Variants in KCNN2 observed in about 807,000 individuals in gnomAD.
KCNN2 encodes potassium calcium-activated channel subfamily N member 2.
Under a neutral mutation model 55.5 loss-of-function variants are expected in KCNN2, and 24 were observed. The observed-to-expected ratio is 0.43, with a 90% CI of 0.31 to 0.61. KCNN2 has a LOEUF of 0.61. Among genes scored for constraint, KCNN2 ranks in the 20% least tolerant of loss-of-function variants. The pLI, the probability that KCNN2 is intolerant of heterozygous loss-of-function variation, is 0.08. For missense variants in KCNN2, 754 were observed against 853.6 expected (o/e 0.88, Z 1.45); for synonymous variants, 431 against 336.1 (o/e 1.28, Z -3.09).
At chr5:114,292,846 T>G (rs571284650) in intron 2 of KCNN2, among the ~76,000 whole-genome samples, 1 of 152,360 alleles carries the variant, frequency 6.6e-6, no homozygotes, top group African/African-American at 2.4e-5. Flanking sequence ...TTACATTTGT[T>G]TGTATCCTCT....
At chr5:114,200,407 G>C (rs779709329) in intron 1 of KCNN2, among the ~76,000 whole-genome samples, 2 of 149,840 alleles carry the variant, frequency 1.3e-5, no homozygotes, top group Non-Finnish European at 3.0e-5. Context: ...TTTCTCATTC[G>C]CATCCTGGAT....
chr5:114,489,359 T>G (rs925042685), intron 6 of KCNN2, among the ~76,000 whole-genome samples: 6 of 152,138 alleles, frequency 3.9e-5, no homozygotes. Context: ...AAATGCACCC[T>G]ACAAGGCATG....
chr5:114,102,380 A>G (rs770401202), intron 1 of KCNN2, among the ~76,000 whole-genome samples: 9 of 151,906 alleles, frequency 5.9e-5, no homozygotes, highest in African/African-American at 1.9e-4. Flanking sequence ...CTCCCATTCT[A>G]TAGATTGCCT....
chr5:114,496,115 C>T lies in KCNN2; in HGVS notation c.2309C>T (p.Ser770Phe). 6.2e-7 allele frequency: 1 copy of T among 1,613,992 alleles called. No individual in the cohort carries two copies. The highest frequency in any genetic ancestry group is 8.5e-7 in the Non-Finnish European group (1 of 1,179,964). Residue 770 changes from serine to phenylalanine, a missense_variant, in exon 8 of 8, where the codon TCC (serine) becomes TTC (phenylalanine). Ser to Phe is a radical substitution (Grantham distance 155). Coordinates refer to ENST00000673685, the MANE Select transcript of KCNN2 (RefSeq NM_021614.4). ...DKHVTYNAER[S>F]RSSSRRRRSS... The stretch of plus-strand genomic sequence containing the variant: ...CACGTCACTTACAATGCTGAGCGGT[C>T]CCGGTCCTCGTCCAGGAGGCGGCGG...
chr5:114,086,365 G>A (rs182411469), intron 1 of KCNN2, among the ~76,000 whole-genome samples: 1 of 151,626 alleles, frequency 6.6e-6, no homozygotes, highest in African/African-American at 2.4e-5. Context: ...TTTGGGGTAT[G>A]AATGATCCTG....
Position 114,278,283 on chromosome 5 carries a change from C to A in KCNN2, c.-185+56718C>A, listed in dbSNP as rs576376234. Among the ~76,000 whole-genome samples, 4 of 152,258 alleles carry A rather than the reference C, an allele frequency of 2.6e-5. No homozygotes were observed. The South Asian group carries it at 8.3e-4, about 32-fold the overall frequency. On this transcript the variant is annotated intron_variant, in intron 2 of 10. Coordinates refer to the KCNN2 transcript ENST00000512097. ...GTTGGCCCCTACTGGTAGGTGTCTC[C>A]CAGTCAGGCTACATGGGGGTCAGGG...
At chr5:114,190,012 A>G (rs919746829) in intron 1 of KCNN2, among the ~76,000 whole-genome samples, 2 of 152,174 alleles carry the variant, frequency 1.3e-5, no homozygotes, top group African/African-American at 4.8e-5. Context: ...TATCTTTATA[A>G]CATCACAGCA....
intron 2 of KCNN2, among the ~76,000 whole-genome samples, chr5:114,380,493 T>C (rs1438670498): frequency 6.6e-6 from 1 of 152,186 alleles, no homozygotes; most frequent in Non-Finnish European, 1.5e-5. Context: ...TAACTTCTTA[T>C]CAGTGATTTC....
At chr5:114,406,880 C>A (rs1334390253) in intron 3 of KCNN2, among the ~76,000 whole-genome samples, 3 of 152,064 alleles carry the variant, frequency 2.0e-5, no homozygotes, top group East Asian at 1.9e-4. Context: ...TTTTTGAGAT[C>A]TTGCAGATAT....
intron 5 of KCNN2, among the ~76,000 whole-genome samples, chr5:114,482,540 G>A (rs1762271795): frequency 6.6e-6 from 1 of 152,130 alleles, no homozygotes; most frequent in South Asian, 2.1e-4. Flanking sequence ...ATACCCAAAG[G>A]AATATAAATC....
At chr5:114,369,166 G>A (rs746435503) in intron 2 of KCNN2, among the ~76,000 whole-genome samples, 11 of 152,050 alleles carry the variant, frequency 7.2e-5, no homozygotes, top group African/African-American at 1.9e-4. Flanking sequence ...TTTCTCACAC[G>A]TTATTCCTCC....
At chr5:114,315,988 C>T (rs1002197619) in intron 2 of KCNN2, among the ~76,000 whole-genome samples, 3 of 152,008 alleles carry the variant, frequency 2.0e-5, no homozygotes, top group African/African-American at 7.2e-5. Context: ...ACCATTTGGT[C>T]TGGGCCTTGT....
chr5:114,085,486 A>C (rs957022020), intron 1 of KCNN2, among the ~76,000 whole-genome samples: 2 of 151,950 alleles, frequency 1.3e-5, no homozygotes. Context: ...TTAGTTTCCA[A>C]TTGCTCATTG....
intron 1 of KCNN2, among the ~76,000 whole-genome samples, chr5:114,147,574 A>G (rs1752424446): frequency 6.6e-6 from 1 of 152,208 alleles, no homozygotes; most frequent in Non-Finnish European, 1.5e-5. Flanking sequence ...ATTTGGGTCA[A>G]TATGAGAGAC....
At chr5:114,464,947 C>G (rs1209583232) in intron 4 of KCNN2, among the ~76,000 whole-genome samples, 1 of 151,908 alleles carries the variant, frequency 6.6e-6, no homozygotes. Context: ...TTTAGGAGGC[C>G]CATAACAAGT....
intron 1 of KCNN2, among the ~76,000 whole-genome samples, chr5:114,160,239 T>A (rs1480921188): frequency 6.6e-6 from 1 of 152,240 alleles, no homozygotes; most frequent in Non-Finnish European, 1.5e-5. Flanking sequence ...ACATCTTTAT[T>A]TCTGCCTTCA....
chr5:114,307,994 C>T (rs1055191641), intron 2 of KCNN2, among the ~76,000 whole-genome samples: 1 of 152,090 alleles, frequency 6.6e-6, no homozygotes, highest in African/African-American at 2.4e-5. Context: ...CCTCCTGATA[C>T]ACACACACAT....
At chr5:114,454,062 G>C (rs1421279803) in intron 3 of KCNN2, among the ~76,000 whole-genome samples, 5 of 152,162 alleles carry the variant, frequency 3.3e-5, no homozygotes, top group African/African-American at 9.7e-5. Context: ...TTACGAGTGA[G>C]AACATGCGGT....
intron 1 of KCNN2, among the ~76,000 whole-genome samples, chr5:114,066,834 C>G (rs1269285920): frequency 1.3e-5 from 2 of 152,192 alleles, no homozygotes; most frequent in Non-Finnish European, 2.9e-5. Flanking sequence ...CCACTTTGGC[C>G]TCCCAAAGTG....
Sources: allele counts gnomAD v4.1 joint callset (sites outside exome capture counted in the v4.1 genomes callset), GRCh38; gene constraint gnomAD v4.1.1; transcripts MANE v1.5; gene names NCBI Gene and HGNC (gene_info 2026-07-23, HGNC 2026-07-21).